Variants in NGEF observed in about 807,000 individuals in gnomAD.
NGEF encodes ephexin-1.
NGEF carries 31 observed loss-of-function variants against 80.9 expected under a neutral mutation model. The ratio of observed to expected loss-of-function variants is 0.38; its 90% CI spans 0.29 to 0.52. The LOEUF (loss-of-function observed/expected upper bound fraction) is 0.52, where lower values mean the gene tolerates loss of function less well. Ranked by LOEUF, NGEF falls within the 20% of genes least tolerant of loss-of-function variation. NGEF has a pLI of 0.84. For synonymous variants in NGEF, 371 were observed against 370.2 expected (o/e 1.00, Z -0.03); for missense variants, 709 against 926.2 (o/e 0.77, Z 3.04).
At chr2:232,914,868 T>C (rs866216261) in intron 5 of NGEF, among the ~76,000 whole-genome samples, 1 of 151,132 alleles carries the variant, frequency 6.6e-6, no homozygotes, top group South Asian at 2.1e-4. Context: ...AATACAAAAA[T>C]TACCTGGGCG....
At chr2:232,883,953 G>A (rs1691595137) in intron 11 of NGEF, 28 bp downstream of exon 11, 1 of 1,585,346 alleles carries the variant, frequency 6.3e-7, no homozygotes, top group South Asian at 1.2e-5. Context: ...ACCCACCGGA[G>A]CGCCTGATGC....
Position 232,892,857 on chromosome 2 carries a change from C to G in NGEF, c.1142+41G>C. ...CCAGCACTGGTATGGCTGCCCCGGG[C>G]ACCTCCCCCTGCCCCTGAGCCCCTT... On this transcript the variant is annotated intron_variant, in intron 7 of 14. Transcript: ENST00000264051. The surrounding 1 kb of genome is among the most constrained non-coding windows in gnomAD (Gnocchi z 4.0). 6.2e-7 allele frequency: 1 copy of G among 1,600,606 alleles called. No individual in the cohort carries two copies. The highest frequency in any genetic ancestry group is 8.5e-7 in the Non-Finnish European group (1 of 1,171,972).
At chr2:232,991,598 C>T (rs74845478) in intron 1 of NGEF, among the ~76,000 whole-genome samples, 15,141 of 151,936 alleles carry the variant, frequency 0.1, 803 homozygotes, top group Middle Eastern at 0.17. Flanking sequence ...TTAAAGAAGA[C>T]CTAAATAAGT....
intron 3 of NGEF, among the ~76,000 whole-genome samples, chr2:232,935,261 C>T (rs1319269378): frequency 6.6e-6 from 1 of 152,172 alleles, no homozygotes; most frequent in African/African-American, 2.4e-5. Context: ...TGGATGGAAG[C>T]TGAGATTATC....
chr2:232,915,707 T>A (rs1692788348), intron 5 of NGEF, among the ~76,000 whole-genome samples: 1 of 152,166 alleles, frequency 6.6e-6, no homozygotes, highest in African/African-American at 2.4e-5. Context: ...TTATTTATTT[T>A]TTCTGAGGTG....
intron 5 of NGEF, among the ~76,000 whole-genome samples, chr2:232,914,559 C>A (rs1268322129): frequency 2.0e-5 from 3 of 151,744 alleles, no homozygotes; most frequent in Non-Finnish European, 4.4e-5. Context: ...AAAAATTAGC[C>A]TTGTGTAGTG....
At chr2:232,948,964 G>C (rs1354268238) in intron 3 of NGEF, among the ~76,000 whole-genome samples, 1 of 152,088 alleles carries the variant, frequency 6.6e-6, no homozygotes, top group Non-Finnish European at 1.5e-5. Flanking sequence ...GTTGCAGTGA[G>C]CCAAGATCAC....
At chr2:232,927,363 CCTTT>C (rs1250885683) in intron 3 of NGEF, among the ~76,000 whole-genome samples, 177 bp from the exon 4 acceptor site, 1 of 152,178 alleles carries the variant, frequency 6.6e-6, no homozygotes, top group Admixed American at 6.5e-5. Flanking sequence ...CCCCAAAAGC[CCTTT>C]CTGTCACCGC....
intron 5 of NGEF, among the ~76,000 whole-genome samples, chr2:232,899,857 C>G (rs1692235744): frequency 6.7e-6 from 1 of 150,060 alleles, no homozygotes; most frequent in Admixed American, 6.6e-5. Flanking sequence ...CACACACACG[C>G]TCTCACAGTC....
At chr2:232,947,704 C>T (rs112486253) in intron 3 of NGEF, among the ~76,000 whole-genome samples, 6,396 of 152,154 alleles carry the variant, frequency 0.042, 452 homozygotes, top group African/African-American at 0.15. Context: ...TACCCAGTCT[C>T]GAGTAGTATC....
chr2:232,906,731 G>C (rs987048359), intron 5 of NGEF, among the ~76,000 whole-genome samples: 1 of 150,516 alleles, frequency 6.6e-6, no homozygotes, highest in African/African-American at 2.4e-5. Flanking sequence ...CGGTTTTGTG[G>C]AATAGAAAAG....
At chr2:232,925,366 CT>C (rs1432195062) in intron 4 of NGEF, among the ~76,000 whole-genome samples, 3 of 152,234 alleles carry the variant, frequency 2.0e-5, no homozygotes, top group African/African-American at 7.2e-5. Context: ...AGTCAACACT[CT>C]GTTGAGCTAC....
At chr2:232,904,712 G>A (rs1692448522) in intron 5 of NGEF, among the ~76,000 whole-genome samples, 1 of 152,216 alleles carries the variant, frequency 6.6e-6, no homozygotes, top group Admixed American at 6.5e-5. Flanking sequence ...GGGAGGCTGA[G>A]GCAGGAGGAT....
At chr2:232,908,124 AT>A (rs1692617726) in intron 5 of NGEF, among the ~76,000 whole-genome samples, 1 of 152,240 alleles carries the variant, frequency 6.6e-6, no homozygotes, top group Non-Finnish European at 1.5e-5. Context: ...AAAATAAAAA[AT>A]AAAACAAATA....
chr2:232,959,955 C>G (rs1419867517), intron 3 of NGEF, among the ~76,000 whole-genome samples: 1 of 152,232 alleles, frequency 6.6e-6, no homozygotes, highest in African/African-American at 2.4e-5. Context: ...CAACCAGCTA[C>G]AGCAGAGCTG....
chr2:232,879,442 T>G lies in NGEF; in HGVS notation c.*47A>C. ...AGAGCCCCCCCCCCCCCACCTTCTGTCGGGGTCTCATGCAGGCCCTGCTCC... is the reference window on the plus strand; with the variant it reads ...AGAGCCCCCCCCCCCCCACCTTCTGGCGGGGTCTCATGCAGGCCCTGCTCC... On this transcript the variant is annotated 3_prime_UTR_variant, in exon 15 of 15. Coordinates refer to ENST00000264051, the MANE Select transcript of NGEF (RefSeq NM_019850.3). 9 of 1,149,912 alleles carry G rather than the reference T, an allele frequency of 7.8e-6. No homozygotes were observed. The highest frequency in any genetic ancestry group is 1.1e-5 in the Non-Finnish European group (9 of 802,666). The allele number at this position is 1,149,912 out of a possible 1,614,324, so 71.2% of individuals were successfully genotyped here.
intron 1 of NGEF, among the ~76,000 whole-genome samples, chr2:233,009,670 G>GGAGGTCA (rs1407050826): frequency 6.6e-6 from 1 of 151,934 alleles, no homozygotes; most frequent in Non-Finnish European, 1.5e-5. Context: ...CTGGATGATT[G>GGAGGTCA]GAGGTCAGAG....
At chr2:233,004,606 TG>T (rs1695049643) in intron 1 of NGEF, among the ~76,000 whole-genome samples, 1 of 152,208 alleles carries the variant, frequency 6.6e-6, no homozygotes, top group East Asian at 1.9e-4. Context: ...CCTGGTCCTT[TG>T]TGGAAAAACA....
intron 4 of NGEF, among the ~76,000 whole-genome samples, chr2:232,924,082 C>T (rs112823546): frequency 0.17 from 26,262 of 151,692 alleles, 2,379 homozygotes; most frequent in East Asian, 0.28. Flanking sequence ...ACTAAAAATA[C>T]AAAAATTAGC....
Sources: allele counts gnomAD v4.1 joint callset (sites outside exome capture counted in the v4.1 genomes callset), GRCh38; gene constraint gnomAD v4.1.1; non-coding constraint Gnocchi (gnomAD v3.1); transcripts MANE v1.5; gene names NCBI Gene and HGNC (gene_info 2026-07-23, HGNC 2026-07-21).